The following WWOX variants were observed in gnomAD, a reference collection of about 807,000 sequenced individuals.
WWOX encodes the protein WW domain-containing oxidoreductase.
A neutral mutation model predicts 46.2 loss-of-function variants in WWOX; 69 were observed. The ratio of observed to expected loss-of-function variants is 1.49; its 90% CI spans 1.23 to 1.82. The LOEUF (loss-of-function observed/expected upper bound fraction) is 1.82, where lower values mean the gene tolerates loss of function less well. Among genes scored for constraint, WWOX ranks in the 40% most tolerant of loss-of-function variants. The pLI is 0.00. For missense variants in WWOX, 919 were observed against 542.6 expected, an observed-to-expected ratio of 1.69 and a Z score of -6.89; for synonymous variants, 359 against 202.6, an observed-to-expected ratio of 1.77 and a Z score of -6.56.
intron 5 of WWOX, among the ~76,000 whole-genome samples, chr16:78,221,450 G>T (rs1331670459): frequency 6.6e-6 from 1 of 152,126 alleles, no homozygotes; most frequent in African/African-American, 2.4e-5. Flanking sequence ...TTTGAAGAAA[G>T]CAATCTCCTA....
At chr16:78,746,755 C>G (rs1007083038) in intron 8 of WWOX, among the ~76,000 whole-genome samples, 1 of 152,084 alleles carries the variant, frequency 6.6e-6, no homozygotes, top group Non-Finnish European at 1.5e-5. Context: ...CTGAATCTGA[C>G]TTATACCCTG....
intron 6 of WWOX, among the ~76,000 whole-genome samples, chr16:78,409,407 C>A (rs529577503): frequency 1.3e-5 from 2 of 152,022 alleles, no homozygotes; most frequent in South Asian, 4.2e-4. Context: ...AACCATTGAT[C>A]TTTTTTCTGT....
At chr16:78,527,817 TA>T (rs1373913087) in intron 8 of WWOX, among the ~76,000 whole-genome samples, 5 of 150,662 alleles carry the variant, frequency 3.3e-5, no homozygotes, top group African/African-American at 9.8e-5. Flanking sequence ...GGGTAGAGGA[TA>T]GGGGGGAAAA....
At chr16:78,857,361 C>G (rs2052590922) in intron 8 of WWOX, among the ~76,000 whole-genome samples, 1 of 152,110 alleles carries the variant, frequency 6.6e-6, no homozygotes, top group Non-Finnish European at 1.5e-5. Context: ...AGATAACTTC[C>G]ATGTTGGTGA....
intron 8 of WWOX, among the ~76,000 whole-genome samples, chr16:78,857,716 T>C (rs2052599375): frequency 6.6e-6 from 1 of 152,222 alleles, no homozygotes; most frequent in African/African-American, 2.4e-5. Context: ...TCCCTAGTAG[T>C]AACATTATAA....
chr16:79,090,239 C>G, intron 8 of WWOX, among the ~76,000 whole-genome samples: 1 of 151,246 alleles, frequency 6.6e-6, no homozygotes, highest in Admixed American at 6.6e-5. Flanking sequence ...GGTTAAGATG[C>G]TAGCCTCGTG....
chr16:79,049,884 G>C (rs1248011304), intron 8 of WWOX, among the ~76,000 whole-genome samples: 1 of 151,364 alleles, frequency 6.6e-6, no homozygotes, highest in Non-Finnish European at 1.5e-5. Flanking sequence ...TGAAGAGTGA[G>C]CAGTACCCAG....
At chr16:79,019,612 G>A (rs2047490850) in intron 8 of WWOX, among the ~76,000 whole-genome samples, 1 of 151,916 alleles carries the variant, frequency 6.6e-6, no homozygotes. Flanking sequence ...CTGGTATCCT[G>A]CGTATCTGTG....
chr16:78,410,489 C>T (rs1174973532), intron 6 of WWOX, among the ~76,000 whole-genome samples: 3 of 152,078 alleles, frequency 2.0e-5, no homozygotes, highest in East Asian at 3.9e-4. Flanking sequence ...GTTTCTGGCT[C>T]AGGGTCTTTC....
intron 8 of WWOX, among the ~76,000 whole-genome samples, chr16:78,935,547 A>G (rs146910241): frequency 0.013 from 2,011 of 149,812 alleles, 44 homozygotes; most frequent in African/African-American, 0.046. Context: ...ATAGGTGGGA[A>G]TTGAACAATG....
chr16:78,404,672 A>T (rs1567552299), intron 6 of WWOX, among the ~76,000 whole-genome samples: 2 of 152,170 alleles, frequency 1.3e-5, no homozygotes, highest in Admixed American at 6.5e-5. Flanking sequence ...CACTTGGGTT[A>T]ATTTACGTCT....
intron 6 of WWOX, among the ~76,000 whole-genome samples, chr16:78,415,460 G>A (rs1431925452): frequency 1.3e-5 from 2 of 152,056 alleles, no homozygotes; most frequent in East Asian, 3.9e-4. Flanking sequence ...AACTTAGAAT[G>A]CCTGACCTCG....
At chr16:78,498,343 C>T (rs146509479) in intron 8 of WWOX, among the ~76,000 whole-genome samples, 23 of 152,170 alleles carry the variant, frequency 1.5e-4, no homozygotes, top group African/African-American at 5.3e-4. Flanking sequence ...ATTCATGGGG[C>T]TCAGGCCAGT....
Position 78,308,319 on chromosome 16 carries a change from C to A in WWOX, c.517-78541C>A, listed in dbSNP as rs766370053. On this transcript the variant is annotated intron_variant, in intron 5 of 8. Coordinates refer to ENST00000566780, the MANE Select transcript of WWOX (RefSeq NM_016373.4). ...CCCTGCCTCTGGGCCAAGGGGATTC[C>A]GAAATAAACCTGAAAAACTAGTTCA... Among the ~76,000 whole-genome samples the A allele has an allele frequency of 2.0e-5, 3 of 152,038 alleles. No homozygotes were observed. The East Asian group carries it at 5.8e-4, about 29-fold the overall frequency.
At chr16:78,126,783 G>A (rs1055691969) in intron 4 of WWOX, among the ~76,000 whole-genome samples, 1 of 152,146 alleles carries the variant, frequency 6.6e-6, no homozygotes, top group Middle Eastern at 3.2e-3. Flanking sequence ...CATTTAAGGA[G>A]GGAATACCCC....
chr16:78,343,843 T>G (rs1597067902), intron 5 of WWOX, among the ~76,000 whole-genome samples: 1 of 120,084 alleles, frequency 8.3e-6, no homozygotes, highest in African/African-American at 2.8e-5. Context: ...GACACCCGTT[T>G]TGGGCTTGAA....
In WWOX at chr16:78,776,196, T is replaced by G. The variant is rs567435136; in HGVS notation, c.1056+343444T>G. Among the ~76,000 whole-genome samples the G allele has an allele frequency of 3.9e-5, 6 of 152,260 alleles. No homozygotes were observed. In the East Asian group the frequency reaches 1.2e-3, roughly 29 times the overall value. ...CATCTCAGAAGGATGTTTTCCAGTC[T>G]TTCTCTAGAAACAACTTTTGTGTCT... is the stretch of plus-strand genomic sequence containing the variant. On this transcript the variant is annotated intron_variant, in intron 8 of 8. Coordinates refer to ENST00000566780, the MANE Select transcript of WWOX (RefSeq NM_016373.4).
chr16:79,042,763 G>C (rs1396311845), intron 8 of WWOX, among the ~76,000 whole-genome samples: 2 of 139,762 alleles, frequency 1.4e-5, no homozygotes, highest in Non-Finnish European at 3.0e-5. Context: ...TGTCCTCCTT[G>C]ATCAGGATTT....
At chr16:78,337,944 C>G (rs1436729620) in intron 5 of WWOX, among the ~76,000 whole-genome samples, 1 of 120,170 alleles carries the variant, frequency 8.3e-6, no homozygotes, top group South Asian at 2.5e-4. Context: ...TTGCTGGGGT[C>G]TTCATCAGTA....
Sources: gnomAD v4.1 joint callset for allele counts (sites outside exome capture counted in the v4.1 genomes callset) on GRCh38, gnomAD v4.1.1 for gene constraint, MANE v1.5 for transcripts, NCBI Gene and HGNC (gene_info 2026-07-23, HGNC 2026-07-21) for gene names.